Variants in ATG5 observed in about 807,000 individuals in gnomAD.
ATG5 encodes autophagy related 5, also known as autophagy protein 5.
In ATG5, 14 loss-of-function variants were observed where a neutral mutation model predicts 36.5. That is an observed-to-expected ratio of 0.38 (90% CI 0.25 to 0.60). The LOEUF (loss-of-function observed/expected upper bound fraction) is 0.60, where lower values mean the gene tolerates loss of function less well. Ranked by LOEUF, ATG5 falls within the 20% of genes least tolerant of loss-of-function variation. The pLI is 0.60. For missense variants in ATG5, 195 were observed against 326.7 expected (o/e 0.60, Z 3.11); for synonymous variants, 95 against 101.5 (o/e 0.94, Z 0.38).
chr6:106,274,570 CAGAA>C (rs1446712680), intron 5 of ATG5, among the ~76,000 whole-genome samples: 1 of 152,088 alleles, frequency 6.6e-6, no homozygotes, highest in Non-Finnish European at 1.5e-5. Context: ...ATTGCACTAA[CAGAA>C]AGGTTTAATA....
chr6:106,322,938 G>T (rs556167319), intron 1 of ATG5, among the ~76,000 whole-genome samples: 1 of 151,594 alleles, frequency 6.6e-6, no homozygotes, highest in East Asian at 2.0e-4. Flanking sequence ...ATTTTATTTT[G>T]AGACGGGGTC....
chr6:106,248,740 A>C (rs1778448195), intron 5 of ATG5, among the ~76,000 whole-genome samples: 1 of 152,162 alleles, frequency 6.6e-6, no homozygotes, highest in African/African-American at 2.4e-5. Context: ...GGCGTTCCTG[A>C]CCAGCCTGAC....
intron 6 of ATG5, among the ~76,000 whole-genome samples, chr6:106,225,287 T>C (rs1022845365): frequency 6.6e-6 from 1 of 152,218 alleles, no homozygotes; most frequent in South Asian, 2.1e-4. Flanking sequence ...TACTGATGCA[T>C]GTCAAAGATT....
intron 6 of ATG5, among the ~76,000 whole-genome samples, chr6:106,211,516 C>G (rs1277266928): frequency 2.0e-5 from 3 of 152,194 alleles, no homozygotes; most frequent in Non-Finnish European, 2.9e-5. Context: ...CGAGGCCAGC[C>G]TGGCCAACAT....
At chr6:106,243,828 C>T (rs888162555) in intron 6 of ATG5, among the ~76,000 whole-genome samples, 2 of 149,180 alleles carry the variant, frequency 1.3e-5, no homozygotes, top group South Asian at 4.2e-4. Flanking sequence ...AAGACTTCAT[C>T]TCAAAATAAA....
rs968590264 is a variant in ATG5, at chr6:106,281,225, T to C, written c.316-1402A>G. 5.3e-5 allele frequency among the ~76,000 whole-genome samples: 8 copies of C among 152,292 alleles called. No individual in the cohort carries two copies. In the South Asian group the frequency reaches 1.7e-3, roughly 32 times the overall value. On this transcript the variant is annotated intron_variant, in intron 4 of 7. Transcript: ENST00000369076. Reference sequence around the variant, plus strand: ...TTAAAAGTCAAACTTATGATTCACATACAGTGAAATGCAGAAATCAAGAGT... The same window carrying C: ...TTAAAAGTCAAACTTATGATTCACACACAGTGAAATGCAGAAATCAAGAGT...
intron 2 of ATG5, among the ~76,000 whole-genome samples, chr6:106,313,550 C>T (rs1353186521): frequency 2.6e-5 from 4 of 152,036 alleles, no homozygotes; most frequent in Admixed American, 1.3e-4. Context: ...TTTAAATGAA[C>T]ATAAACGAAA....
chr6:106,226,513 T>C (rs1777458459), intron 6 of ATG5, among the ~76,000 whole-genome samples: 1 of 152,130 alleles, frequency 6.6e-6, no homozygotes, highest in Admixed American at 6.5e-5. Flanking sequence ...TTAAGAGAGT[T>C]ATTTTAAATA....
chr6:106,213,856 G>C (rs1403807832), intron 6 of ATG5, among the ~76,000 whole-genome samples: 1 of 152,162 alleles, frequency 6.6e-6, no homozygotes, highest in Non-Finnish European at 1.5e-5. Context: ...TGTAACAAGT[G>C]CTTAACAATG....
At chr6:106,198,684 C>T (rs1452321815) in intron 7 of ATG5, among the ~76,000 whole-genome samples, 2 of 151,514 alleles carry the variant, frequency 1.3e-5, no homozygotes, top group South Asian at 2.1e-4. Context: ...GGCTGAGTCA[C>T]GAGAATCACT....
At chr6:106,293,133 AAAAT>A (rs1342404649) in intron 3 of ATG5, 27 bp from the exon 4 acceptor site, 12 of 1,580,856 alleles carry the variant, frequency 7.6e-6, no homozygotes, top group Non-Finnish European at 9.5e-6. Flanking sequence ...ATATTTTGAG[AAAAT>A]AAATATTTAA....
At chr6:106,202,336 AC>A (rs1776464717) in intron 6 of ATG5, 1 of 351,574 alleles carries the variant, frequency 2.8e-6, no homozygotes, top group East Asian at 4.9e-5. Flanking sequence ...ATTGGCTGGG[AC>A]CCTTCAAAAA....
chr6:106,290,811 T>C (rs944907456), intron 4 of ATG5, among the ~76,000 whole-genome samples: 34 of 152,234 alleles, frequency 2.2e-4, no homozygotes, highest in African/African-American at 7.7e-4. Context: ...CCTTTCACTA[T>C]GAAACTTTTA....
chr6:106,321,313 CTT>C (rs1263251776), intron 1 of ATG5, among the ~76,000 whole-genome samples: 4 of 151,264 alleles, frequency 2.6e-5, no homozygotes, highest in Admixed American at 6.6e-5. Context: ...TGCTTGAACA[CTT>C]TTTCCCTCCT....
intron 5 of ATG5, among the ~76,000 whole-genome samples, chr6:106,250,016 T>C (rs1177739082): frequency 6.6e-6 from 1 of 152,222 alleles, no homozygotes; most frequent in African/African-American, 2.4e-5. Context: ...ATGACTCACA[T>C]ATTTTCTCCC....
chr6:106,281,521 G>A (rs1005783017), intron 4 of ATG5, among the ~76,000 whole-genome samples: 1 of 151,942 alleles, frequency 6.6e-6, no homozygotes, highest in Non-Finnish European at 1.5e-5. Context: ...ATTCCTTTTT[G>A]TTGCTGAGTA....
At chr6:106,231,381 T>G (rs571490244) in intron 6 of ATG5, among the ~76,000 whole-genome samples, 1 of 152,286 alleles carries the variant, frequency 6.6e-6, no homozygotes, top group East Asian at 1.9e-4. Context: ...GTCAGGTCAA[T>G]GATAGGTCGA....
chr6:106,254,295 C>T (rs1023140746), intron 5 of ATG5, among the ~76,000 whole-genome samples: 2 of 152,162 alleles, frequency 1.3e-5, no homozygotes, highest in Non-Finnish European at 2.9e-5. Context: ...AAATACTTAT[C>T]GTTACTTCAA....
In ATG5 at chr6:106,310,759, T is replaced by C. The variant is rs1334260501; in HGVS notation, c.109-2268A>G. On this transcript the variant is annotated intron_variant, in intron 2 of 7. Coordinates refer to ENST00000369076, the MANE Select transcript of ATG5 (RefSeq NM_004849.4). ...CATTTTACTTTCTATCTCTATGAATTTGACTACTCTAGGTACCTTATTTAA... is the reference window on the plus strand; with the variant it reads ...CATTTTACTTTCTATCTCTATGAATCTGACTACTCTAGGTACCTTATTTAA... Among the ~76,000 whole-genome samples the C allele has an allele frequency of 1.3e-5, 2 of 152,208 alleles. 1 individual carries two copies. Among genetic ancestry groups the C allele is most frequent in the East Asian group, 3.9e-4 (2 of 5,192 alleles).
Sources: gnomAD v4.1 joint callset for allele counts (sites outside exome capture counted in the v4.1 genomes callset) on GRCh38, gnomAD v4.1.1 for gene constraint, MANE v1.5 for transcripts, NCBI Gene and HGNC (gene_info 2026-07-23, HGNC 2026-07-21) for gene names.